ADAM17: variants seen among roughly 807,000 people sequenced by gnomAD.
ADAM17 encodes ADAM metallopeptidase domain 17, also known as disintegrin and metalloproteinase domain-containing protein 17.
In ADAM17, 39 loss-of-function variants were observed where a neutral mutation model predicts 96.7. The observed-to-expected ratio is 0.40, with a 90% CI of 0.31 to 0.53. The LOEUF (loss-of-function observed/expected upper bound fraction) is 0.53. Among genes scored for constraint, ADAM17 ranks in the 20% least tolerant of loss-of-function variants. The probability of loss-of-function intolerance (pLI) is 0.44; values close to 1 mark genes in which losing one functional copy is unlikely to be tolerated. For synonymous variants in ADAM17, 344 were observed against 359.2 expected, an observed-to-expected ratio of 0.96 and a Z score of 0.48; for missense variants, 777 against 1,013.2, an observed-to-expected ratio of 0.77 and a Z score of 3.17.
intron 17 of ADAM17, among the ~76,000 whole-genome samples, chr2:9,492,328 G>C (rs1345907431): frequency 6.6e-6 from 1 of 152,186 alleles, no homozygotes; most frequent in Non-Finnish European, 1.5e-5. Flanking sequence ...AGGACCAGGA[G>C]TTCCTTAGTC....
intron 4 of ADAM17, among the ~76,000 whole-genome samples, chr2:9,528,484 TGAACCTTATTACTTGTTTCAGC>T (rs1175215301): frequency 6.6e-6 from 1 of 152,244 alleles, no homozygotes; most frequent in Non-Finnish European, 1.5e-5. Context: ...ACAATAGGTC[TGAACCTTATTACTTGTTTCAGC>T]GAACGCAGTT....
chr2:9,516,116 T>C (rs892036488), intron 10 of ADAM17, among the ~76,000 whole-genome samples: 3 of 152,226 alleles, frequency 2.0e-5, no homozygotes, highest in African/African-American at 7.2e-5. Flanking sequence ...CTGAGCATCT[T>C]TTCATATGCT....
chr2:9,545,018 T>A (rs1340946895), intron 1 of ADAM17, among the ~76,000 whole-genome samples: 2 of 152,266 alleles, frequency 1.3e-5, no homozygotes, highest in East Asian at 3.9e-4. Flanking sequence ...TGAACTCAGT[T>A]TCATTCAAGA....
At chr2:9,505,052 A>C (rs967199951) in intron 12 of ADAM17, 114 bp downstream of exon 12, 1 of 1,191,176 alleles carries the variant, frequency 8.4e-7, no homozygotes, top group Non-Finnish European at 1.2e-6. Context: ...GATGTAAACA[A>C]ACACACTCAC....
At position 9,505,343 on chromosome 2, in the gene ADAM17, T is replaced by A; in HGVS notation, c.1367A>T (p.Gln456Leu). The A allele has an allele frequency of 6.2e-7, 1 of 1,614,172 alleles. No homozygotes were observed. ...ACTTTCAATGGTCTTATAGATTGAT[T>A]GTTTACTGCAGTTTGAAAACATCTT... ...NNKMFSNCSK[Q>L]SIYKTIESKA... The change falls in exon 12 of 19, where the codon CAA becomes CTA. Residue 456 changes from glutamine to leucine, a missense_variant. By Grantham distance (113) the Gln-to-Leu change is moderately radical. Around this residue, in one of 3 missense-constraint regions of ADAM17, gnomAD observed 446 missense variants for 664.7 expected, o/e 0.67. Transcript: ENST00000310823.
At chr2:9,518,276 A>G in intron 8 of ADAM17, 29 bp from the exon 9 acceptor site, 1 of 1,518,240 alleles carries the variant, frequency 6.6e-7, no homozygotes. Context: ...AAAAAAAAAA[A>G]AAAAAGCATT....
intron 8 of ADAM17, among the ~76,000 whole-genome samples, chr2:9,520,393 TTTAGA>T (rs775970455): frequency 4.0e-4 from 61 of 152,362 alleles, no homozygotes; most frequent in South Asian, 8.3e-4. Flanking sequence ...GTTAGCCATC[TTTAGA>T]TTAATCGCCA....
intron 2 of ADAM17, among the ~76,000 whole-genome samples, chr2:9,540,665 T>C (rs538384816): frequency 1.3e-5 from 2 of 152,268 alleles, no homozygotes; most frequent in South Asian, 4.1e-4. Flanking sequence ...CACATGACAA[T>C]GAACCAATCT....
intron 7 of ADAM17, among the ~76,000 whole-genome samples, chr2:9,522,724 T>C (rs568281271): frequency 6.6e-6 from 1 of 152,252 alleles, no homozygotes; most frequent in Admixed American, 6.5e-5. Context: ...TCCTAGCAAT[T>C]TGAAATAACT....
In ADAM17 at chr2:9,494,550, AT is replaced by A. The variant is rs534145236; in HGVS notation, c.1914+86del. ...AGGATGTAGCCCCACTTGTGTTTTG[AT>A]TTGTTTTCATCTGCAAAATCAAGTA... On this transcript the variant is annotated intron_variant, in intron 15 of 18. Coordinates refer to ENST00000310823, the MANE Select transcript of ADAM17 (RefSeq NM_003183.6). The A allele has an allele frequency of 2.1e-4, 323 of 1,503,638 alleles. No individual in the cohort carries two copies. In the African/African-American group the frequency reaches 4.2e-3, roughly 20 times the overall value. 93.1% of individuals were successfully genotyped at this position (1,503,638 alleles called of 1,614,324 possible).
At chr2:9,531,200 C>T (rs1490795293) in intron 4 of ADAM17, among the ~76,000 whole-genome samples, 1 of 151,942 alleles carries the variant, frequency 6.6e-6, no homozygotes, top group Non-Finnish European at 1.5e-5. Context: ...TGAAGTGATC[C>T]ACCCACCTCA....
intron 1 of ADAM17, among the ~76,000 whole-genome samples, chr2:9,554,064 G>GA (rs979017699): frequency 2.7e-4 from 40 of 146,260 alleles, no homozygotes; most frequent in African/African-American, 7.9e-4. Context: ...CTCTGTCTTG[G>GA]AAAAAAAAAA....
intron 8 of ADAM17, among the ~76,000 whole-genome samples, chr2:9,518,811 T>C (rs1462906561): frequency 7.9e-5 from 12 of 152,160 alleles, no homozygotes; most frequent in South Asian, 2.1e-4. Flanking sequence ...ATTTTTTTTT[T>C]CTTAATTTAA....
intron 1 of ADAM17, among the ~76,000 whole-genome samples, chr2:9,548,440 T>C (rs1405104409): frequency 1.3e-5 from 2 of 149,252 alleles, no homozygotes; most frequent in South Asian, 4.2e-4. Flanking sequence ...GCAAACCAAG[T>C]AGAAACCACT....
intron 2 of ADAM17, among the ~76,000 whole-genome samples, chr2:9,537,222 G>A (rs185223033): frequency 6.6e-5 from 10 of 152,200 alleles, no homozygotes; most frequent in African/African-American, 1.9e-4. Flanking sequence ...TTGGTGTTAG[G>A]TACTATGCAT....
intron 10 of ADAM17, 109 bp downstream of exon 10, chr2:9,517,792 A>G: frequency 1.5e-6 from 1 of 649,236 alleles, no homozygotes; most frequent in Non-Finnish European, 2.3e-6. Flanking sequence ...GCAGAAATTT[A>G]AAAAACAGTA....
chr2:9,520,742 T>C (rs566111202), intron 8 of ADAM17, among the ~76,000 whole-genome samples: 16 of 151,886 alleles, frequency 1.1e-4, no homozygotes, highest in Non-Finnish European at 2.2e-4. Context: ...GGCAGACGGA[T>C]CATCTGAGGT....
intron 1 of ADAM17, 42 bp downstream of exon 1, chr2:9,555,467 C>G (rs1166573596): frequency 6.7e-7 from 1 of 1,496,838 alleles, no homozygotes; most frequent in Admixed American, 2.3e-5. Flanking sequence ...CTCAAACGAG[C>G]GCTCCAGGCG....
Position 9,521,234 on chromosome 2 carries a change from T to G in ADAM17, c.926A>C (p.Lys309Thr). ...CAACATCTTCACATCCCAAGCATCC[T>G]TTTCTTCATTTGGGTAACTTTTTGC... is the stretch of plus-strand genomic sequence containing the variant. ...NMAKSYPNEE[K>T]DAWDVKMLLE... The change falls in exon 8 of 19, where the codon AAG becomes ACG. Residue 309 changes from lysine to threonine, a missense_variant. Physicochemically the swap from Lys to Thr is moderately conservative, Grantham distance 78. This residue lies in a region of ADAM17 where 446 missense variants were observed against 664.7 expected (regional missense o/e 0.67). Coordinates refer to ENST00000310823, the MANE Select transcript of ADAM17 (RefSeq NM_003183.6). 1 of 1,611,038 alleles carries G rather than the reference T, an allele frequency of 6.2e-7. No homozygotes were observed. Among genetic ancestry groups the G allele is most frequent in the Non-Finnish European group, 8.5e-7 (1 of 1,177,368 alleles).
Sources: gnomAD v4.1 joint callset for allele counts (sites outside exome capture counted in the v4.1 genomes callset) on GRCh38, gnomAD v4.1.1 for gene constraint, gnomAD v4.1.1 regional missense constraint, MANE v1.5 for transcripts, NCBI Gene and HGNC (gene_info 2026-07-23, HGNC 2026-07-21) for gene names.